Variants in TRAPPC13 observed in about 807,000 individuals in gnomAD.
The protein encoded by TRAPPC13 is REV7-interacting novel NHEJ regulator 1.
Under a neutral mutation model 54.0 loss-of-function variants are expected in TRAPPC13, and 39 were observed. The observed-to-expected ratio is 0.72, with a 90% confidence interval of 0.56 to 0.94. TRAPPC13 has a LOEUF of 0.94. Among genes scored for constraint, TRAPPC13 ranks in the 40% least tolerant of loss-of-function variants. The probability of loss-of-function intolerance (pLI) is 0.00; values close to 1 mark genes in which losing one functional copy is unlikely to be tolerated. For missense variants in TRAPPC13, 386 were observed against 488.1 expected (o/e 0.79, Z 1.97); for synonymous variants, 148 against 167.7 (o/e 0.88, Z 0.91).
At position 65,662,054 on chromosome 5, in the gene TRAPPC13, C is replaced by T; in HGVS notation, c.902C>T (p.Pro301Leu). ...CTGTGTTGCTTGTTTTCTTAGGCTC[C>T]AGGTTATGGAGATGTTAGGTTGTCT... Reference protein sequence around the residue: ...LQTSQLQRMAPGYGDVRLSLE... With the variant: ...LQTSQLQRMALGYGDVRLSLE... The change falls in exon 11 of 13, where the codon CCA (proline) becomes CTA (leucine). Residue 301 changes from proline (P) to leucine (L), a missense_variant. Transcript: ENST00000399438. 1 of 1,598,934 alleles carries T rather than the reference C, an allele frequency of 6.3e-7. No individual in the cohort carries two copies. The highest frequency in any genetic ancestry group is 8.5e-7 in the Non-Finnish European group (1 of 1,174,460).
intron 10 of TRAPPC13, chr5:65,661,101 T>C (rs1244313978): frequency 4.2e-6 from 2 of 470,624 alleles, no homozygotes; most frequent in Non-Finnish European, 7.5e-6. Flanking sequence ...CAAATGTTAA[T>C]TTATCCTTAA....
At chr5:65,633,447 A>AT (rs1400123386) in intron 1 of TRAPPC13, among the ~76,000 whole-genome samples, 5 of 151,680 alleles carry the variant, frequency 3.3e-5, no homozygotes, top group African/African-American at 4.8e-5. Flanking sequence ...TGCTAGGCTA[A>AT]TTTTTTTTAT....
At position 65,664,490 on chromosome 5, in the gene TRAPPC13, C is replaced by G; in HGVS notation, c.1147-14C>G. On this transcript the variant is annotated splice_polypyrimidine_tract_variant and intron_variant, in intron 12 of 12. Transcript: ENST00000399438. ...TGAATGAAAACTTAGACTCATCTCT[C>G]TCTCTCTCAATAGAGCATCTCTGGC... The G allele has an allele frequency of 6.2e-7, 1 of 1,603,440 alleles. No homozygotes were observed. Among genetic ancestry groups the G allele is most frequent in the East Asian group, 2.2e-5 (1 of 44,738 alleles).
chr5:65,629,595 C>T (rs991865960), intron 1 of TRAPPC13: 5 of 1,529,324 alleles, frequency 3.3e-6, no homozygotes, highest in Admixed American at 4.0e-5. Flanking sequence ...AGAATGACTA[C>T]AGAAGTAATA....
intron 3 of TRAPPC13, among the ~76,000 whole-genome samples, chr5:65,636,755 G>A (rs1282525678): frequency 1.3e-5 from 2 of 152,132 alleles, no homozygotes; most frequent in African/African-American, 4.8e-5. Flanking sequence ...ATCCTTAGCT[G>A]TATTATTATT....
chr5:65,635,056 T>A, intron 1 of TRAPPC13: 2 of 545,936 alleles, frequency 3.7e-6, no homozygotes, highest in Non-Finnish European at 4.7e-6. Context: ...GAATGCATAT[T>A]GTATTTACAT....
At chr5:65,627,243 G>A (rs1175021920) in intron 1 of TRAPPC13, among the ~76,000 whole-genome samples, 1 of 150,498 alleles carries the variant, frequency 6.6e-6, no homozygotes, top group Non-Finnish European at 1.5e-5. Context: ...CCATCTTATA[G>A]TTAACCCATT....
intron 1 of TRAPPC13, among the ~76,000 whole-genome samples, chr5:65,627,437 C>G (rs1755295141): frequency 6.6e-6 from 1 of 151,964 alleles, no homozygotes. Context: ...CGAGACCAGC[C>G]TAGCCAACAT....
chr5:65,660,739 GAT>G lies in TRAPPC13; in HGVS notation c.741_742del (p.Arg249ProfsTer11). ...FGSRAYLQPM[D>X]TRQYLYCLKP... ...GTCAAGAGCATATTTGCAACCAATGGATACACGCCAGTACTTATACTGCCTAA... is the reference window on the plus strand; with the variant it reads ...GTCAAGAGCATATTTGCAACCAATGGACACGCCAGTACTTATACTGCCTAA... On this transcript the variant is annotated frameshift_variant, in exon 10 of 13. Coordinates refer to ENST00000399438, the MANE Select transcript of TRAPPC13 (RefSeq NM_024941.4). LOFTEE classifies it high-confidence loss of function. 6.2e-7 allele frequency: 1 copy of G among 1,612,128 alleles called. No individual in the cohort carries two copies. The highest frequency in any genetic ancestry group is 8.5e-7 in the Non-Finnish European group (1 of 1,179,002).
intron 4 of TRAPPC13, among the ~76,000 whole-genome samples, chr5:65,642,971 G>C (rs1480724964): frequency 6.6e-6 from 1 of 152,196 alleles, no homozygotes. Flanking sequence ...TAGTAGCATT[G>C]TTGAACATCC....
At chr5:65,664,121 G>T (rs1441855645) in intron 11 of TRAPPC13, 116 bp from the exon 12 acceptor site, 1 of 1,063,178 alleles carries the variant, frequency 9.4e-7, no homozygotes, top group Non-Finnish European at 1.4e-6. Flanking sequence ...TTCTCTTTCT[G>T]GTTTTTATTC....
chr5:65,638,386 T>A (rs1755843475), intron 4 of TRAPPC13, among the ~76,000 whole-genome samples: 1 of 152,138 alleles, frequency 6.6e-6, no homozygotes. Flanking sequence ...AGATGAAAGA[T>A]CACTGGAGAT....
chr5:65,634,152 A>T (rs1207595164), intron 1 of TRAPPC13, among the ~76,000 whole-genome samples: 1 of 151,486 alleles, frequency 6.6e-6, no homozygotes, highest in Non-Finnish European at 1.5e-5. Context: ...CGCCCAGCTA[A>T]TTTTTTGTAT....
intron 1 of TRAPPC13, among the ~76,000 whole-genome samples, chr5:65,631,456 A>T (rs1439657567): frequency 6.6e-6 from 1 of 152,148 alleles, no homozygotes; most frequent in Non-Finnish European, 1.5e-5. Flanking sequence ...GGTTTGGTGT[A>T]CAAATAGTTT....
At chr5:65,627,556 G>A (rs779615604) in intron 1 of TRAPPC13, among the ~76,000 whole-genome samples, 1 of 151,918 alleles carries the variant, frequency 6.6e-6, no homozygotes, top group Non-Finnish European at 1.5e-5. Context: ...CTTGACCCTG[G>A]GAGGCGAAGG....
At chr5:65,648,255 C>T (rs2067143089) in intron 5 of TRAPPC13, among the ~76,000 whole-genome samples, 1 of 152,208 alleles carries the variant, frequency 6.6e-6, no homozygotes, top group South Asian at 2.1e-4. Context: ...TTCTACTTCT[C>T]TTTCAAATCT....
chr5:65,626,233 G>T (rs949643753), intron 1 of TRAPPC13: 1 of 152,196 alleles, frequency 6.6e-6, no homozygotes, highest in African/African-American at 2.4e-5. Context: ...TTAATTCTCA[G>T]AGTTTAAGTA....
intron 9 of TRAPPC13, among the ~76,000 whole-genome samples, chr5:65,659,846 TC>T (rs1249808240): frequency 6.6e-6 from 1 of 151,722 alleles, no homozygotes; most frequent in African/African-American, 2.4e-5. Flanking sequence ...ACTCCTGCAT[TC>T]CTAGCTCCTT....
chr5:65,664,957 T>C lies in TRAPPC13; in HGVS notation c.*346T>C, dbSNP rs1756984540. 6 of 241,758 alleles carry C rather than the reference T, an allele frequency of 2.5e-5. No homozygotes were observed. The South Asian group carries it at 3.1e-4, about 13-fold the overall frequency. 15.0% of individuals were successfully genotyped at this position (241,758 alleles called of 1,614,324 possible). On this transcript the variant is annotated 3_prime_UTR_variant, in exon 13 of 13. Transcript: ENST00000399438. Reference sequence around the variant, plus strand: ...ACTTTTTATGTAAGGTACAAGATACTAAATATTTTAGGCTTTGCAGGCCGT... The same window carrying C: ...ACTTTTTATGTAAGGTACAAGATACCAAATATTTTAGGCTTTGCAGGCCGT...
Sources: allele counts gnomAD v4.1 joint callset (sites outside exome capture counted in the v4.1 genomes callset), GRCh38; gene constraint gnomAD v4.1.1; transcripts MANE v1.5; gene names NCBI Gene and HGNC (gene_info 2026-07-23, HGNC 2026-07-21).